EFCAB6: variants seen among roughly 807,000 people sequenced by gnomAD.
The protein encoded by EFCAB6 is EF-hand calcium binding domain 6.
EFCAB6 carries 156 observed loss-of-function variants against 169.8 expected under a neutral mutation model. The observed-to-expected ratio is 0.92, with a 90% confidence interval of 0.81 to 1.05. The LOEUF (loss-of-function observed/expected upper bound fraction) is 1.05, where lower values mean the gene tolerates loss of function less well. EFCAB6 is among the 50% of genes least tolerant of loss of function. EFCAB6 has a pLI of 0.00. For synonymous variants in EFCAB6, 698 were observed against 676.4 expected (o/e 1.03, Z -0.50); for missense variants, 1,800 against 1,829.1 (o/e 0.98, Z 0.29).
intron 23 of EFCAB6, among the ~76,000 whole-genome samples, chr22:43,596,087 C>G (rs972582878): frequency 6.6e-6 from 1 of 151,944 alleles, no homozygotes; most frequent in Non-Finnish European, 1.5e-5. Flanking sequence ...AATATAGAAG[C>G]AAAATACCTC....
At chr22:43,717,521 C>T (rs1275863516) in intron 8 of EFCAB6, among the ~76,000 whole-genome samples, 1 of 151,980 alleles carries the variant, frequency 6.6e-6, no homozygotes. Context: ...TCCAATAGAA[C>T]AGTAGACTAA....
At chr22:43,731,438 T>C (rs1489110910) in intron 8 of EFCAB6, among the ~76,000 whole-genome samples, 2 of 152,206 alleles carry the variant, frequency 1.3e-5, no homozygotes, top group Non-Finnish European at 2.9e-5. Context: ...TCCACACACA[T>C]CTTCTGTGTT....
chr22:43,596,315 T>G (rs546504371), intron 23 of EFCAB6, among the ~76,000 whole-genome samples: 71 of 152,258 alleles, frequency 4.7e-4, no homozygotes, highest in African/African-American at 1.7e-3. Context: ...GAGCCATGTT[T>G]GCAGATGACA....
At chr22:43,638,821 TG>T in intron 17 of EFCAB6, among the ~76,000 whole-genome samples, 1 of 151,906 alleles carries the variant, frequency 6.6e-6, no homozygotes, top group East Asian at 1.9e-4. Flanking sequence ...GTTTCGCTCT[TG>T]TTGCCCAGGC....
intron 8 of EFCAB6, among the ~76,000 whole-genome samples, chr22:43,723,679 C>T (rs1371751273): frequency 1.3e-5 from 2 of 152,332 alleles, no homozygotes; most frequent in East Asian, 3.9e-4. Context: ...GGGTTAGCAC[C>T]TCATAGTGTC....
At chr22:43,737,377 CACTCACACATAT>C (rs2060181056) in intron 6 of EFCAB6, among the ~76,000 whole-genome samples, 1 of 150,616 alleles carries the variant, frequency 6.6e-6, no homozygotes, top group South Asian at 2.1e-4. Context: ...CTCACACCAT[CACTCACACATAT>C]ATTCACACAC....
chr22:43,803,419 G>C (rs9614277), intron 2 of EFCAB6, among the ~76,000 whole-genome samples: 70,829 of 151,992 alleles, frequency 0.47, 16,993 homozygotes, highest in Middle Eastern at 0.61. Flanking sequence ...TTTGATAGTC[G>C]GTTGAAGAAG....
intron 2 of EFCAB6, among the ~76,000 whole-genome samples, chr22:43,794,609 AGATAACT>A (rs1306762916): frequency 2.0e-5 from 3 of 152,266 alleles, no homozygotes; most frequent in Admixed American, 2.0e-4. Flanking sequence ...CCACAAGAAT[AGATAACT>A]TGAGTTTGCA....
chr22:43,758,278 CTAT>C (rs1203351481), intron 5 of EFCAB6, among the ~76,000 whole-genome samples: 1 of 152,064 alleles, frequency 6.6e-6, no homozygotes, highest in East Asian at 1.9e-4. Context: ...GGGGGTAGGT[CTAT>C]AAATTTGTGT....
intron 10 of EFCAB6, among the ~76,000 whole-genome samples, chr22:43,699,859 G>A (rs140920249): frequency 6.4e-4 from 98 of 152,210 alleles, no homozygotes; most frequent in Middle Eastern, 3.4e-3. Flanking sequence ...CTTCTGCCAC[G>A]CTACTATTGT....
At chr22:43,801,993 G>A (rs1019809791) in intron 2 of EFCAB6, among the ~76,000 whole-genome samples, 53 of 152,122 alleles carry the variant, frequency 3.5e-4, no homozygotes, top group African/African-American at 1.2e-3. Context: ...ATAAAGACTC[G>A]TATAGACTGA....
intron 4 of EFCAB6, among the ~76,000 whole-genome samples, chr22:43,768,020 T>C (rs529260603): frequency 5.9e-5 from 9 of 152,344 alleles, no homozygotes; most frequent in Admixed American, 5.2e-4. Context: ...GTATCCGTCA[T>C]TGTGATAAGT....
chr22:43,669,137 C>T, intron 15 of EFCAB6, 92 bp from the exon 16 acceptor site: 1 of 1,171,324 alleles, frequency 8.5e-7, no homozygotes, highest in Non-Finnish European at 1.1e-6. Context: ...ATGAAAGTAA[C>T]TACAACTTTC....
In EFCAB6 at chr22:43,628,816, CA is replaced by C. The variant is rs2054714769; in HGVS notation, c.2233-2138del. The stretch of plus-strand genomic sequence containing the variant: ...CTCTACTTTTCTCTTTGGCACATGT[CA>C]CCACCTGATCTAGTAGAGGTTTCTG... On this transcript the variant is annotated intron_variant, in intron 19 of 31. Transcript: ENST00000262726. This position sits in a 1 kb window ranked among gnomAD's most constrained non-coding sequence, Gnocchi z 4.8. 6.6e-6 allele frequency among the ~76,000 whole-genome samples: 1 copy of C among 152,174 alleles called. No individual in the cohort carries two copies. Among genetic ancestry groups the C allele is most frequent in the South Asian group, 2.1e-4 (1 of 4,824 alleles).
intron 2 of EFCAB6, among the ~76,000 whole-genome samples, chr22:43,794,225 G>T (rs1258316110): frequency 2.6e-5 from 4 of 152,200 alleles, no homozygotes; most frequent in Non-Finnish European, 5.9e-5. Context: ...TTAAAAGCCA[G>T]CCGCAAACAT....
intron 6 of EFCAB6, among the ~76,000 whole-genome samples, chr22:43,748,678 G>A (rs751206602): frequency 6.6e-6 from 1 of 152,112 alleles, no homozygotes; most frequent in Non-Finnish European, 1.5e-5. Flanking sequence ...TTACCACAGT[G>A]GACAGGACAG....
chr22:43,580,565 T>C lies in EFCAB6; in HGVS notation c.3127A>G (p.Lys1043Glu). 6.2e-7 allele frequency: 1 copy of C among 1,614,182 alleles called. No individual in the cohort carries two copies. The stretch of plus-strand genomic sequence containing the variant: ...AAATTGATTGGCATGCTCTCTTCTT[T>C]TTCCTTGGGCTGAGCTCCTGTTGAC... ...SKSTGAQPKE[K>E]EESMPINFAT... The change falls in exon 25 of 32, where the codon AAA (lysine) becomes GAA (glutamate). Residue 1043 changes from lysine (K) to glutamate (E), a missense_variant. Transcript: ENST00000262726.
At chr22:43,668,830 C>A in intron 16 of EFCAB6, 42 bp downstream of exon 16, 1 of 1,498,568 alleles carries the variant, frequency 6.7e-7, no homozygotes, top group Non-Finnish European at 8.9e-7. Context: ...CCATGACAGA[C>A]ACTGTGGTTT....
intron 17 of EFCAB6, among the ~76,000 whole-genome samples, chr22:43,656,923 A>G (rs917362397): frequency 6.6e-6 from 1 of 152,232 alleles, no homozygotes; most frequent in Non-Finnish European, 1.5e-5. Flanking sequence ...TAAGCCGCAT[A>G]TGACTGAATG....
Sources: gnomAD v4.1 joint callset for allele counts (sites outside exome capture counted in the v4.1 genomes callset) on GRCh38, gnomAD v4.1.1 for gene constraint, Gnocchi (gnomAD v3.1) non-coding constraint, MANE v1.5 for transcripts, NCBI Gene and HGNC (gene_info 2026-07-23, HGNC 2026-07-21) for gene names.